Variants in RERE observed in about 807,000 individuals in gnomAD.
RERE encodes the protein arginine-glutamic acid dipeptide repeats protein.
Under a neutral mutation model 146.1 loss-of-function variants are expected in RERE, and 40 were observed. The ratio of observed to expected loss-of-function variants is 0.27; its 90% CI spans 0.21 to 0.36. The LOEUF is 0.36. Among genes scored for constraint, RERE ranks in the 10% least tolerant of loss-of-function variants. The probability of loss-of-function intolerance (pLI) is 1.00; values close to 1 mark genes in which losing one functional copy is unlikely to be tolerated. For missense variants in RERE, 1,933 were observed against 2,138.7 expected, an observed-to-expected ratio of 0.90 and a Z score of 1.90; for synonymous variants, 1,003 against 866.0, an observed-to-expected ratio of 1.16 and a Z score of -2.78.
At chr1:8,801,778 T>C (rs776328181) in intron 1 of RERE, among the ~76,000 whole-genome samples, 4 of 152,152 alleles carry the variant, frequency 2.6e-5, no homozygotes, top group Non-Finnish European at 5.9e-5. Flanking sequence ...ATTCAGCAAC[T>C]CTACTTAAGA....
chr1:8,570,647 A>G (rs1417356974), intron 4 of RERE, among the ~76,000 whole-genome samples: 1 of 152,200 alleles, frequency 6.6e-6, no homozygotes, highest in African/African-American at 2.4e-5. Flanking sequence ...AGTGAAAAAA[A>G]GCAAATGACG....
chr1:8,739,805 C>T (rs1293079972), intron 1 of RERE, among the ~76,000 whole-genome samples: 1 of 129,308 alleles, frequency 7.7e-6, no homozygotes, highest in Non-Finnish European at 1.7e-5. Flanking sequence ...TCACTCCATC[C>T]ACTTCACTCC....
chr1:8,759,560 C>A (rs746496508), intron 1 of RERE, among the ~76,000 whole-genome samples: 1 of 152,192 alleles, frequency 6.6e-6, no homozygotes, highest in Non-Finnish European at 1.5e-5. Context: ...CTGCAAAATT[C>A]TTTCTTCTCT....
chr1:8,364,845 G>A lies in RERE; in HGVS notation c.1448-7C>T, dbSNP rs201749273. 1.6e-3 allele frequency: 2,600 copies of A among 1,610,682 alleles called. 8 individuals are homozygous for A. The highest frequency in any genetic ancestry group is 1.8e-3 in the Non-Finnish European group (2,089 of 1,178,140). On this transcript the variant is annotated splice_region_variant and splice_polypyrimidine_tract_variant and intron_variant, in intron 13 of 22. Transcript: ENST00000400908. The surrounding 1 kb of genome is among the most constrained non-coding windows in gnomAD (Gnocchi z 5.1). ...CTGGCTGAACTTAGGTCCACTGGGC[G>A]TGGCAGGCACATAGTGGGGGTGGGG...
chr1:8,540,682 C>A (rs1206671222), intron 7 of RERE, among the ~76,000 whole-genome samples: 2 of 152,156 alleles, frequency 1.3e-5, no homozygotes, highest in Non-Finnish European at 2.9e-5. Context: ...GTAATTCAAA[C>A]TGTTACATAG....
At chr1:8,489,078 C>T (rs541604594) in intron 10 of RERE, among the ~76,000 whole-genome samples, 5 of 152,180 alleles carry the variant, frequency 3.3e-5, no homozygotes, top group African/African-American at 1.2e-4. Context: ...GGTGCGGTGG[C>T]TCATGTCTTA....
At chr1:8,726,154 T>C (rs955217699) in intron 1 of RERE, among the ~76,000 whole-genome samples, 1 of 125,022 alleles carries the variant, frequency 8.0e-6, no homozygotes, top group African/African-American at 2.9e-5. Flanking sequence ...TTTCTTTTTT[T>C]TTTTTTTTTT....
chr1:8,799,142 C>T (rs1178935225), intron 1 of RERE, among the ~76,000 whole-genome samples: 3 of 151,898 alleles, frequency 2.0e-5, no homozygotes, highest in Non-Finnish European at 4.4e-5. Context: ...TACAGGAACC[C>T]GCCACCACGT....
chr1:8,439,344 G>C (rs1209370168), intron 11 of RERE, among the ~76,000 whole-genome samples: 2 of 152,160 alleles, frequency 1.3e-5, no homozygotes, highest in Admixed American at 6.6e-5. Context: ...ACAGAAATGC[G>C]ATACTGTAAA....
intron 1 of RERE, among the ~76,000 whole-genome samples, chr1:8,703,512 C>T (rs935684183): frequency 3.3e-5 from 5 of 152,028 alleles, no homozygotes. Flanking sequence ...GCCGCCGCCG[C>T]GGGCGCGCGC....
chr1:8,765,646 C>A (rs939347499), intron 1 of RERE, among the ~76,000 whole-genome samples: 5 of 152,084 alleles, frequency 3.3e-5, no homozygotes, highest in South Asian at 2.1e-4. Context: ...TGGTGAAACC[C>A]CATCTCTACT....
At chr1:8,365,724 G>A (rs367874915) in intron 13 of RERE, 88 bp downstream of exon 13, 5 of 1,467,082 alleles carry the variant, frequency 3.4e-6, no homozygotes, top group Non-Finnish European at 2.8e-6. Context: ...GCTTCCCGGA[G>A]CCATCAGCTC....
At position 8,616,076 on chromosome 1, in the gene RERE, C is replaced by CAT. The variant is rs553284560; in HGVS notation, c.397-1392_397-1391dup. Among the ~76,000 whole-genome samples, 400 of 152,280 alleles carry CAT rather than the reference C, an allele frequency of 2.6e-3. 2 individuals are homozygous for CAT. The highest frequency in any genetic ancestry group is 9.1e-3 in the African/African-American group (380 of 41,546). Reference sequence around the variant, plus strand: ...TTCAATTGTGCACTTGAATGTACAGCATATTCAATATTTTTTGCCAGAAGC... The same window carrying CAT: ...TTCAATTGTGCACTTGAATGTACAGCATATATTCAATATTTTTTGCCAGAAGC... On this transcript the variant is annotated intron_variant, in intron 3 of 22. Transcript: ENST00000400908.
intron 1 of RERE, among the ~76,000 whole-genome samples, chr1:8,804,152 G>A (rs1193525443): frequency 1.3e-5 from 2 of 152,050 alleles, no homozygotes; most frequent in Non-Finnish European, 2.9e-5. Context: ...AACAACTTAG[G>A]AAATTTCAGT....
At chr1:8,744,616 A>G (rs988582811) in intron 1 of RERE, among the ~76,000 whole-genome samples, 4 of 152,226 alleles carry the variant, frequency 2.6e-5, no homozygotes, top group African/African-American at 9.6e-5. Context: ...ACTGATCTAA[A>G]TAGCTCATAA....
intron 1 of RERE, among the ~76,000 whole-genome samples, chr1:8,697,750 T>C (rs558545444): frequency 9.2e-5 from 14 of 152,232 alleles, no homozygotes; most frequent in Admixed American, 3.3e-4. Flanking sequence ...ATGTTTTACA[T>C]GTAACTTATG....
rs565742403 is a variant in RERE, at chr1:8,380,626, C to A, written c.1285-14652G>T. 638 of 356,244 alleles carry A rather than the reference C, an allele frequency of 1.8e-3. 5 individuals carry two copies. Among genetic ancestry groups the A allele is most frequent in the Non-Finnish European group, 2.2e-3 (401 of 180,452 alleles). 22.1% of individuals were successfully genotyped at this position (356,244 alleles called of 1,614,324 possible). On this transcript the variant is annotated intron_variant, in intron 12 of 22. Coordinates refer to ENST00000400908, the MANE Select transcript of RERE (RefSeq NM_001042681.2). ...CCTCCTAAAGTGCTGGGATTACAGGCGTGAGCCACCAAGCCTGGCCCATCA... is the reference window on the plus strand; with the variant it reads ...CCTCCTAAAGTGCTGGGATTACAGGAGTGAGCCACCAAGCCTGGCCCATCA...
At chr1:8,769,416 C>G (rs1640904012) in intron 1 of RERE, among the ~76,000 whole-genome samples, 1 of 152,178 alleles carries the variant, frequency 6.6e-6, no homozygotes, top group South Asian at 2.1e-4. Flanking sequence ...AACCTTAAGA[C>G]ACTGAATTCC....
chr1:8,721,420 T>A (rs1488690234), intron 1 of RERE, among the ~76,000 whole-genome samples: 2 of 152,188 alleles, frequency 1.3e-5, no homozygotes, highest in Non-Finnish European at 2.9e-5. Flanking sequence ...CAAGCAGTTC[T>A]CCTGCCTCAG....
Sources: allele counts gnomAD v4.1 joint callset (sites outside exome capture counted in the v4.1 genomes callset), GRCh38; gene constraint gnomAD v4.1.1; non-coding constraint Gnocchi (gnomAD v3.1); transcripts MANE v1.5; gene names NCBI Gene and HGNC (gene_info 2026-07-23, HGNC 2026-07-21).